SLC39A12: variants seen among roughly 807,000 people sequenced by gnomAD.
The protein encoded by SLC39A12 is solute carrier family 39 member 12, also known as zinc transporter ZIP12.
SLC39A12 carries 63 observed loss-of-function variants against 71.1 expected under a neutral mutation model. The ratio of observed to expected loss-of-function variants is 0.89; its 90% CI spans 0.72 to 1.09. The LOEUF (loss-of-function observed/expected upper bound fraction) is 1.09. Among genes scored for constraint, SLC39A12 ranks in the 50% least tolerant of loss-of-function variants. The pLI is 0.00. For missense variants in SLC39A12, 892 were observed against 812.6 expected (o/e 1.10, Z -1.19); for synonymous variants, 351 against 301.3 (o/e 1.16, Z -1.71).
chr10:18,000,601 T>G, intron 10 of SLC39A12, 66 bp from the exon 11 acceptor site: 1 of 1,517,138 alleles, frequency 6.6e-7, no homozygotes, highest in Non-Finnish European at 9.1e-7. Flanking sequence ...TTGGTTGGTT[T>G]TGAAGGATTT....
intron 2 of SLC39A12, among the ~76,000 whole-genome samples, chr10:17,957,466 C>T (rs921102241): frequency 6.6e-6 from 1 of 152,044 alleles, no homozygotes. Flanking sequence ...AACCTTTTTC[C>T]CCCACCTGAC....
In SLC39A12 at chr10:17,953,967, T is replaced by A. The variant is rs543069915; in HGVS notation, c.261+430T>A. On this transcript the variant is annotated intron_variant, in intron 2 of 12. Coordinates refer to ENST00000377369, the MANE Select transcript of SLC39A12 (RefSeq NM_001145195.2). ...TTTTGAGTACTTTTTCCTGGCATGGTATTTTCTAATATTATGCATGGCGGG... is the reference window on the plus strand; with the variant it reads ...TTTTGAGTACTTTTTCCTGGCATGGAATTTTCTAATATTATGCATGGCGGG... 7.2e-5 allele frequency among the ~76,000 whole-genome samples: 11 copies of A among 152,322 alleles called. No homozygotes were observed. The South Asian group carries it at 2.3e-3, about 32-fold the overall frequency.
chr10:17,995,675 A>G lies in SLC39A12; in HGVS notation c.1553A>G (p.Gln518Arg), dbSNP rs1335796221. The change falls in exon 10 of 13, where the codon CAG (glutamine) becomes CGG (arginine). Residue 518 changes from glutamine to arginine, a missense_variant. Transcript: ENST00000377369. ...AAATAGAAAAGCCCAGAAGATTCAC[A>G]GGCAGCTGAAATGCCTATAGGCAGT... The part of the protein sequence containing the change: ...TIQLKSPEDS[Q>R]AAEMPIGSMT... The G allele has an allele frequency of 6.2e-7, 1 of 1,613,488 alleles. No individual in the cohort carries two copies. The highest frequency in any genetic ancestry group is 2.2e-5 in the East Asian group (1 of 44,858).
chr10:17,991,250 G>A lies in SLC39A12; in HGVS notation c.1369G>A (p.Gly457Arg). The change falls in exon 8 of 13, where the codon GGA (glycine) becomes AGA (arginine). Residue 457 changes from glycine (G) to arginine (R), a missense_variant. Transcript: ENST00000377369. Reference protein sequence around the residue: ...KLMGLIGGIHGFFLIEKCFIL... With the variant: ...KLMGLIGGIHRFFLIEKCFIL... ...GATGGGATTAATTGGAGGCATCCAT[G>A]GATTTTTCTTGATAGAAAAATGTTT... 4 of 1,594,756 alleles carry A rather than the reference G, an allele frequency of 2.5e-6. No homozygotes were observed. Among genetic ancestry groups the A allele is most frequent in the Non-Finnish European group, 3.4e-6 (4 of 1,173,178 alleles).
intron 1 of SLC39A12, 48 bp from the exon 2 acceptor site, chr10:17,953,143 T>G (rs1554847311): frequency 4.4e-6 from 5 of 1,139,888 alleles, no homozygotes; most frequent in Non-Finnish European, 6.3e-6. Context: ...CTTTCAAACA[T>G]GTTGCAGGCA....
At chr10:17,997,123 T>C (rs2497760) in intron 10 of SLC39A12, among the ~76,000 whole-genome samples, 90,246 of 152,056 alleles carry the variant, frequency 0.59, 29,693 homozygotes, top group Non-Finnish European at 0.73. Context: ...CAATGCATTC[T>C]TTCACATTGT....
intron 5 of SLC39A12, among the ~76,000 whole-genome samples, chr10:17,980,902 T>C (rs4387255): frequency 5.3e-5 from 8 of 152,212 alleles, no homozygotes; most frequent in Admixed American, 5.2e-4. Flanking sequence ...TGAAAGACAG[T>C]GACCTCATTA....
At chr10:18,025,919 G>C (rs1354210127) in intron 12 of SLC39A12, among the ~76,000 whole-genome samples, 1 of 152,098 alleles carries the variant, frequency 6.6e-6, no homozygotes, top group African/African-American at 2.4e-5. Flanking sequence ...ACTAATCCAA[G>C]TCTATTTTCA....
intron 2 of SLC39A12, among the ~76,000 whole-genome samples, chr10:17,956,447 T>C (rs1328980393): frequency 6.6e-6 from 1 of 152,152 alleles, no homozygotes; most frequent in African/African-American, 2.4e-5. Context: ...ATCAGATCTC[T>C]GAGGATCTCA....
At chr10:17,996,299 C>A (rs913402969) in intron 10 of SLC39A12, among the ~76,000 whole-genome samples, 1 of 152,050 alleles carries the variant, frequency 6.6e-6, no homozygotes, top group Admixed American at 6.5e-5. Context: ...TTGGATAGAA[C>A]TTTATTAACC....
At chr10:17,962,828 G>A (rs1303048532) in intron 3 of SLC39A12, among the ~76,000 whole-genome samples, 5 of 151,968 alleles carry the variant, frequency 3.3e-5, no homozygotes, top group African/African-American at 1.2e-4. Flanking sequence ...TTCAAAATGC[G>A]ACCATATTTT....
At position 18,043,264 on chromosome 10, in the gene SLC39A12, A is replaced by T. The variant is rs1226900275; in HGVS notation, c.*431A>T. 1 of 153,346 alleles carries T rather than the reference A, an allele frequency of 6.5e-6. No individual in the cohort carries two copies. Among genetic ancestry groups the T allele is most frequent in the African/African-American group, 2.4e-5 (1 of 41,454 alleles). 9.5% of individuals were successfully genotyped at this position (153,346 alleles called of 1,614,324 possible). On this transcript the variant is annotated 3_prime_UTR_variant, in exon 13 of 13. Transcript: ENST00000377369. ...TATAAGCAAGTTAAGTGACAAGCAA[A>T]TGTAATAAAGACTAGTTTTAATATG...
At chr10:17,980,415 C>T (rs1228760988) in intron 5 of SLC39A12, among the ~76,000 whole-genome samples, 1 of 152,176 alleles carries the variant, frequency 6.6e-6, no homozygotes, top group East Asian at 1.9e-4. Flanking sequence ...CCTTACTGAT[C>T]GCAACTAAAG....
At chr10:17,999,294 C>CAAAAAAAA in intron 10 of SLC39A12, among the ~76,000 whole-genome samples, 12 of 70,350 alleles carry the variant, frequency 1.7e-4, no homozygotes, top group Admixed American at 3.7e-4. Flanking sequence ...GACTCCATCT[C>CAAAAAAAA]AAAAAAAAAA....
intron 8 of SLC39A12, among the ~76,000 whole-genome samples, chr10:17,992,186 A>G (rs1380487395): frequency 2.0e-5 from 3 of 152,140 alleles, no homozygotes; most frequent in South Asian, 2.1e-4. Flanking sequence ...TTATGAATCA[A>G]AAAATAAAAT....
chr10:17,992,002 T>C (rs1835561149), intron 8 of SLC39A12, among the ~76,000 whole-genome samples: 1 of 145,884 alleles, frequency 6.9e-6, no homozygotes, highest in Non-Finnish European at 1.5e-5. Context: ...GGCAGGAGAA[T>C]TGCTTGAACC....
intron 5 of SLC39A12, among the ~76,000 whole-genome samples, chr10:17,979,046 C>T (rs1371442342): frequency 6.6e-6 from 1 of 152,180 alleles, no homozygotes; most frequent in Non-Finnish European, 1.5e-5. Context: ...TTAGAAACCA[C>T]TGCTTTTGAA....
At position 17,981,413 on chromosome 10, in the gene SLC39A12, G is replaced by T; in HGVS notation, c.1026G>T (p.Gln342His). The T allele has an allele frequency of 6.2e-7, 1 of 1,614,010 alleles. No homozygotes were observed. Among genetic ancestry groups the T allele is most frequent in the Non-Finnish European group, 8.5e-7 (1 of 1,179,924 alleles). Residue 342 changes from glutamine (Q) to histidine (H), a missense_variant, in exon 6 of 13, where the codon CAG becomes CAT. Gln to His is a conservative substitution (Grantham distance 24). Coordinates refer to ENST00000377369, the MANE Select transcript of SLC39A12 (RefSeq NM_001145195.2). ...DFKQMSPGII[Q>H]QLLSCSCHLP... is the part of the protein sequence containing the mutation. ...AGCAAATGAGTCCAGGGATCATCCA[G>T]CAGCTCCTCAGCTGCTCCTGCCACT...
At chr10:17,981,282 T>G in intron 5 of SLC39A12, 30 bp from the exon 6 acceptor site, 1 of 1,562,918 alleles carries the variant, frequency 6.4e-7, no homozygotes, top group Non-Finnish European at 8.7e-7. Flanking sequence ...ATGCTGAGAT[T>G]AGTAACAATG....
Sources: gnomAD v4.1 joint callset for allele counts (sites outside exome capture counted in the v4.1 genomes callset) on GRCh38, gnomAD v4.1.1 for gene constraint, MANE v1.5 for transcripts, NCBI Gene and HGNC (gene_info 2026-07-23, HGNC 2026-07-21) for gene names.